SENP6: variants seen among roughly 807,000 people sequenced by gnomAD.
The protein encoded by SENP6 is SUMO specific peptidase 6.
Under a neutral mutation model 134.5 loss-of-function variants are expected in SENP6, and 41 were observed. That is an observed-to-expected ratio of 0.30 (90% CI 0.24 to 0.40). The LOEUF is 0.40. SENP6 is among the 10% of genes least tolerant of loss of function. The pLI is 1.00. For synonymous variants in SENP6, 395 were observed against 429.8 expected (o/e 0.92, Z 1.00); for missense variants, 1,248 against 1,312.5 (o/e 0.95, Z 0.76).
intron 20 of SENP6, among the ~76,000 whole-genome samples, 178 bp downstream of exon 20, chr6:75,709,808 AAAAAAATG>A (rs1775645769): frequency 6.6e-6 from 1 of 152,190 alleles, no homozygotes; most frequent in African/African-American, 2.4e-5. Context: ...CATCTCTTAA[AAAAAAATG>A]AAAAAAGGAA....
chr6:75,659,717 A>G (rs943412272), intron 8 of SENP6, among the ~76,000 whole-genome samples: 1 of 152,196 alleles, frequency 6.6e-6, no homozygotes, highest in African/African-American at 2.4e-5. Flanking sequence ...GAAAATCTAT[A>G]TATTTATCTC....
intron 11 of SENP6, among the ~76,000 whole-genome samples, chr6:75,672,754 ACTTG>A (rs753422633): frequency 1.9e-4 from 29 of 152,192 alleles, no homozygotes; most frequent in Non-Finnish European, 3.7e-4. Flanking sequence ...AAAATTCTAC[ACTTG>A]CTTATTATTA....
intron 10 of SENP6, among the ~76,000 whole-genome samples, chr6:75,670,129 T>C (rs1482227944): frequency 6.6e-6 from 1 of 152,150 alleles, no homozygotes; most frequent in Non-Finnish European, 1.5e-5. Flanking sequence ...GTACTTTTAG[T>C]AGAGACGAGG....
rs913292022 is a variant in SENP6 at position 75,670,462 on chromosome 6, T to A, written c.1225-91T>A. ...TCCATTTTATGTTGTGATATTTACATTTCTTATATTGGGTCTTTGCATATG... is the reference window on the plus strand; with the variant it reads ...TCCATTTTATGTTGTGATATTTACAATTCTTATATTGGGTCTTTGCATATG... On this transcript the variant is annotated intron_variant, in intron 10 of 23. Transcript: ENST00000447266. 6.2e-6 allele frequency: 5 copies of A among 809,508 alleles called. No homozygotes were observed. In the African/African-American group the frequency reaches 8.5e-5, roughly 14 times the overall value. 50.1% of individuals were successfully genotyped at this position (809,508 alleles called of 1,614,324 possible). A position where few individuals can be genotyped will look rare whatever the true frequency, so the allele number is the denominator to read the frequency against.
intron 8 of SENP6, among the ~76,000 whole-genome samples, chr6:75,661,958 G>A (rs867718575): frequency 2.0e-5 from 3 of 152,040 alleles, no homozygotes; most frequent in Non-Finnish European, 4.4e-5. Context: ...AGGCCGAGGC[G>A]GGAGAATCTG....
chr6:75,661,122 T>G (rs1771743214), intron 8 of SENP6, among the ~76,000 whole-genome samples: 1 of 152,230 alleles, frequency 6.6e-6, no homozygotes, highest in Non-Finnish European at 1.5e-5. Context: ...GTGTGTGTAT[T>G]AATATTTAAT....
intron 3 of SENP6, among the ~76,000 whole-genome samples, chr6:75,626,143 G>T (rs117412578): frequency 0.018 from 2,803 of 151,534 alleles, 40 homozygotes; most frequent in Non-Finnish European, 0.031. Context: ...TGTTGTTGTT[G>T]TTTTTTAATT....
At chr6:75,639,000 G>A (rs947794192) in intron 5 of SENP6, among the ~76,000 whole-genome samples, 15 of 152,136 alleles carry the variant, frequency 9.9e-5, no homozygotes, top group African/African-American at 3.6e-4. Flanking sequence ...ACAGTGAGCT[G>A]TGGTTGTGCC....
rs900504500 is a variant in SENP6 at position 75,717,398 on chromosome 6, A to G, written c.*1804A>G. On this transcript the variant is annotated 3_prime_UTR_variant, in exon 24 of 24. Transcript: ENST00000447266. ...GCACCCTTAGATAATGTTTGATAAGATAAAAATATAATTTATCCCTTGTAC... is the reference window on the plus strand; with the variant it reads ...GCACCCTTAGATAATGTTTGATAAGGTAAAAATATAATTTATCCCTTGTAC... The G allele has an allele frequency of 1.3e-5, 2 of 152,080 alleles. No individual in the cohort carries two copies. Among genetic ancestry groups the G allele is most frequent in the Non-Finnish European group, 2.9e-5 (2 of 67,944 alleles). The allele number at this position is 152,080 out of a possible 1,614,324, so 9.4% of individuals were successfully genotyped here.
intron 1 of SENP6, among the ~76,000 whole-genome samples, chr6:75,607,085 C>T (rs759795902): frequency 1.3e-5 from 2 of 152,114 alleles, no homozygotes; most frequent in African/African-American, 2.4e-5. Flanking sequence ...TGGTGGCTCA[C>T]GCCTGTAATC....
chr6:75,695,225 C>T (rs1774575184), intron 16 of SENP6, among the ~76,000 whole-genome samples: 1 of 152,160 alleles, frequency 6.6e-6, no homozygotes, highest in South Asian at 2.1e-4. Context: ...CACTCTGTTT[C>T]TCAGGCTGGA....
intron 1 of SENP6, among the ~76,000 whole-genome samples, chr6:75,604,001 G>T (rs1766832958): frequency 6.6e-6 from 1 of 152,138 alleles, no homozygotes; most frequent in Admixed American, 6.5e-5. Flanking sequence ...TACAGGTAGT[G>T]CTATGTGTGT....
rs1008901461 is a variant in SENP6 at position 75,717,335 on chromosome 6, C to T, written c.*1741C>T. On this transcript the variant is annotated 3_prime_UTR_variant, in exon 24 of 24. Coordinates refer to ENST00000447266, the MANE Select transcript of SENP6 (RefSeq NM_015571.4). ...GTACTGAAAAACTATTCTAAAATGCCTACTTGTTTTTGCATTAATTTGTAA... is the reference window on the plus strand; with the variant it reads ...GTACTGAAAAACTATTCTAAAATGCTTACTTGTTTTTGCATTAATTTGTAA... 6.6e-6 allele frequency: 1 copy of T among 151,722 alleles called. No homozygotes were observed. The highest frequency in any genetic ancestry group is 1.5e-5 in the Non-Finnish European group (1 of 67,852). The allele number at this position is 151,722 out of a possible 1,614,324, so 9.4% of individuals were successfully genotyped here.
At chr6:75,656,666 T>C (rs965573072) in intron 7 of SENP6, among the ~76,000 whole-genome samples, 2 of 152,248 alleles carry the variant, frequency 1.3e-5, no homozygotes, top group Non-Finnish European at 2.9e-5. Context: ...TTGTGTTTTT[T>C]TCTTAACTCT....
chr6:75,605,430 A>G (rs1766958464), intron 1 of SENP6, among the ~76,000 whole-genome samples: 1 of 152,224 alleles, frequency 6.6e-6, no homozygotes, highest in African/African-American at 2.4e-5. Context: ...TGCACCTGAA[A>G]CATATTTGTT....
intron 1 of SENP6, among the ~76,000 whole-genome samples, chr6:75,613,275 C>T (rs1169227523): frequency 1.3e-5 from 2 of 151,968 alleles, no homozygotes; most frequent in African/African-American, 4.8e-5. Context: ...ACATGAAATT[C>T]AAATGTCACT....
chr6:75,648,367 GAAT>G (rs1770614473), intron 7 of SENP6, among the ~76,000 whole-genome samples: 1 of 151,994 alleles, frequency 6.6e-6, no homozygotes, highest in Non-Finnish European at 1.5e-5. Flanking sequence ...TCATTATCTG[GAAT>G]AATGATTCTT....
chr6:75,677,426 G>T, intron 14 of SENP6, 170 bp downstream of exon 14: 1 of 558,302 alleles, frequency 1.8e-6, no homozygotes, highest in South Asian at 3.1e-5. Flanking sequence ...AACAGTGGTG[G>T]GTAGGTGCCA....
chr6:75,613,142 G>T (rs897513861), intron 1 of SENP6, among the ~76,000 whole-genome samples: 1 of 151,406 alleles, frequency 6.6e-6, no homozygotes, highest in African/African-American at 2.4e-5. Context: ...AGAAAACTAT[G>T]ACCCAGCCAA....
Sources: gnomAD v4.1 joint callset for allele counts (sites outside exome capture counted in the v4.1 genomes callset) on GRCh38, gnomAD v4.1.1 for gene constraint, MANE v1.5 for transcripts, NCBI Gene and HGNC (gene_info 2026-07-23, HGNC 2026-07-21) for gene names.